MOK: variants seen among roughly 807,000 people sequenced by gnomAD.
MOK encodes the protein MOK protein kinase, also known as MAPK/MAK/MRK overlapping kinase.
In MOK, 59 loss-of-function variants were observed where a neutral mutation model predicts 54.2. The ratio of observed to expected loss-of-function variants is 1.09; its 90% CI spans 0.88 to 1.35. The LOEUF is 1.35. Ranked by LOEUF, MOK falls within the 40% of genes most tolerant of loss-of-function variation. MOK has a pLI of 0.00. For missense variants in MOK, 517 were observed against 526.2 expected (o/e 0.98, Z 0.17); for synonymous variants, 210 against 202.7 (o/e 1.04, Z -0.31).
chr14:102,227,791 GGTCCATCTCCTGCGGCCCCGCT>G (rs2064314355), downstream of MOK, among the ~76,000 whole-genome samples: 1 of 152,124 alleles, frequency 6.6e-6, no homozygotes, highest in Non-Finnish European at 1.5e-5. Context: ...CGTGGCCCGC[GGTCCATCTCCTGCGGCCCCGCT>G]GTCGTGTCAG....
At chr14:102,299,533 C>A (rs577217940) in intron 1 of MOK, among the ~76,000 whole-genome samples, 1 of 151,936 alleles carries the variant, frequency 6.6e-6, no homozygotes, top group South Asian at 2.1e-4. Context: ...AAGAAAAATT[C>A]TCTCTGATAC....
In MOK at chr14:102,251,921, G is replaced by A. The variant is rs1003763325; in HGVS notation, c.358C>T (p.His120Tyr). 21 of 1,599,408 alleles carry A rather than the reference G, an allele frequency of 1.3e-5. No individual in the cohort carries two copies. The highest frequency in any genetic ancestry group is 1.8e-5 in the Non-Finnish European group (21 of 1,168,920). Residue 120 changes from histidine to tyrosine, a missense_variant, in exon 5 of 12, where the codon CAC becomes TAC. By Grantham distance (83) the His-to-Tyr change is moderately conservative. Coordinates refer to ENST00000361847, the MANE Select transcript of MOK (RefSeq NM_014226.3). The stretch of plus-strand genomic sequence containing the variant: ...GTCAAATCTCCGAGAGCATACCTGT[G>A]AATATGATCCAGGGACTTACATAAC... The part of the protein sequence containing the change: ...YQLCKSLDHI[H>Y]RNGIFHRDVK...
the MOK span, among the ~76,000 whole-genome samples, chr14:102,216,264 G>A: frequency 3.3e-5 from 5 of 152,184 alleles, no homozygotes; most frequent in Admixed American, 3.3e-4. Flanking sequence ...TGGGGCCTAC[G>A]ACTGCCACAA....
intron 1 of MOK, among the ~76,000 whole-genome samples, chr14:102,291,975 C>CAAT: frequency 6.7e-6 from 1 of 148,476 alleles, no homozygotes; most frequent in East Asian, 2.0e-4. Flanking sequence ...AAAAAACTAA[C>CAAT]AATAATAATA....
chr14:102,218,761 G>GT, the MOK span, among the ~76,000 whole-genome samples: 2 of 152,220 alleles, frequency 1.3e-5, no homozygotes, highest in Non-Finnish European at 2.9e-5. Context: ...CTCTCACGGT[G>GT]TGGGGGCTGA....
Position 102,232,644 on chromosome 14 carries a change from T to C in MOK, c.757A>G (p.Asn253Asp). ...KGSGIPLLTT[N>D]LSPQCLSLLH... ...AGGGAGAGGCATTGTGGGGACAAAT[T>C]GGTTGTTAGTAGAGGTATTCCTGAT... Residue 253 changes from asparagine (N) to aspartate (D), a missense_variant, in exon 9 of 12, where the codon AAT (asparagine) becomes GAT (aspartate). Asn to Asp is a conservative substitution (Grantham distance 23). Coordinates refer to ENST00000361847, the MANE Select transcript of MOK (RefSeq NM_014226.3). This position sits in a 1 kb window ranked among gnomAD's most constrained non-coding sequence, Gnocchi z 5.1. 1 of 1,614,040 alleles carries C rather than the reference T, an allele frequency of 6.2e-7. No individual in the cohort carries two copies. The highest frequency in any genetic ancestry group is 8.5e-7 in the Non-Finnish European group (1 of 1,179,964).
rs1567141965 is a variant in MOK, at chr14:102,235,513, C to A, written c.591-1724G>T. On this transcript the variant is annotated intron_variant, in intron 7 of 11. Coordinates refer to ENST00000361847, the MANE Select transcript of MOK (RefSeq NM_014226.3). The surrounding 1 kb of genome is among the most constrained non-coding windows in gnomAD (Gnocchi z 4.4). ...GGCCGCTGCAGTTCCCTGAGAAGAG[C>A]GTACCTGGGCGTATCAACCCACAGG... is the stretch of plus-strand genomic sequence containing the variant. 1 of 152,206 alleles carries A rather than the reference C, an allele frequency of 6.6e-6. No homozygotes were observed. Among genetic ancestry groups the A allele is most frequent in the Admixed American group, 6.5e-5 (1 of 15,284 alleles). The allele number at this position is 152,206 out of a possible 1,614,324, so 9.4% of individuals were successfully genotyped here. A position where few individuals can be genotyped will look rare whatever the true frequency, so the allele number is the denominator to read the frequency against.
Position 102,236,859 on chromosome 14 carries a change from A to C in MOK, c.591-3070T>G, listed in dbSNP as rs899028469. Among the ~76,000 whole-genome samples the C allele has an allele frequency of 2.6e-5, 4 of 152,050 alleles. No homozygotes were observed. Among genetic ancestry groups the C allele is most frequent in the Admixed American group, 6.6e-5 (1 of 15,264 alleles). The stretch of plus-strand genomic sequence containing the variant: ...CTTAGGCCAACACGTTCTTCATATA[A>C]CACCACCATCCTCCTGGTTAAAAAA... On this transcript the variant is annotated intron_variant, in intron 7 of 11. Coordinates refer to ENST00000361847, the MANE Select transcript of MOK (RefSeq NM_014226.3). This position sits in a 1 kb window ranked among gnomAD's most constrained non-coding sequence, Gnocchi z 4.5.
At chr14:102,227,316 T>C (rs2064289340), downstream of MOK, among the ~76,000 whole-genome samples, 3 of 151,608 alleles carry the variant, frequency 2.0e-5, no homozygotes, top group South Asian at 6.2e-4. Context: ...CCCTCTCTTG[T>C]GACCTGCGCG....
chr14:102,214,967 A>G, the MOK span: 1 of 985,146 alleles, frequency 1.0e-6, no homozygotes, highest in Non-Finnish European at 1.2e-6. Flanking sequence ...TGTCCTCTGT[A>G]TACTGACATT....
rs2065257319 is a variant in MOK at position 102,236,785 on chromosome 14, C to A, written c.591-2996G>T. Among the ~76,000 whole-genome samples the A allele has an allele frequency of 6.6e-6, 1 of 152,172 alleles. No homozygotes were observed. The highest frequency in any genetic ancestry group is 2.4e-5 in the African/African-American group (1 of 41,452). ...CCAAAAACCCTATCTCCCTAACCCA[C>A]CAAAAAGGCTTACAGCCCATCACAA... On this transcript the variant is annotated intron_variant, in intron 7 of 11. Coordinates refer to ENST00000361847, the MANE Select transcript of MOK (RefSeq NM_014226.3). This position sits in a 1 kb window ranked among gnomAD's most constrained non-coding sequence, Gnocchi z 4.5.
intron 1 of MOK, among the ~76,000 whole-genome samples, chr14:102,285,046 G>A (rs1162767416): frequency 6.9e-6 from 1 of 144,184 alleles, no homozygotes; most frequent in African/African-American, 2.7e-5. Context: ...TCACACTACT[G>A]CACTCCAGCC....
intron 7 of MOK, among the ~76,000 whole-genome samples, chr14:102,242,655 A>T (rs774202748): frequency 1.4e-4 from 21 of 152,200 alleles, no homozygotes; most frequent in Admixed American, 4.6e-4. Context: ...CTCACCTGTT[A>T]CAGCATGGCC....
intron 2 of MOK, among the ~76,000 whole-genome samples, chr14:102,280,367 C>T (rs926031845): frequency 6.6e-6 from 1 of 152,046 alleles, no homozygotes; most frequent in Non-Finnish European, 1.5e-5. Flanking sequence ...CACTACCGCG[C>T]CCGGCTGATT....
intron 10 of MOK, chr14:102,229,909 A>C: frequency 2.1e-6 from 1 of 479,908 alleles, no homozygotes. Flanking sequence ...GCGGGCGGCA[A>C]AGGGCTCGCG....
intron 4 of MOK, among the ~76,000 whole-genome samples, 169 bp downstream of exon 4, chr14:102,263,377 T>G (rs573130066): frequency 3.0e-4 from 46 of 152,328 alleles, no homozygotes; most frequent in African/African-American, 1.1e-3. Context: ...ATGTTCTGAG[T>G]AGATGAGCAG....
chr14:102,285,381 T>G (rs924530519), intron 1 of MOK, among the ~76,000 whole-genome samples: 2 of 152,148 alleles, frequency 1.3e-5, no homozygotes, highest in African/African-American at 4.8e-5. Flanking sequence ...TTCACAGGTT[T>G]TCAAAACTGC....
intron 2 of MOK, among the ~76,000 whole-genome samples, chr14:102,277,617 C>CAAA (rs560243565): frequency 1.0e-5 from 1 of 95,552 alleles, no homozygotes; most frequent in Non-Finnish European, 2.2e-5. Flanking sequence ...GACTCCGTCT[C>CAAA]AAAAAAAAAA....
chr14:102,227,724 G>T (rs1463669828), downstream of MOK, among the ~76,000 whole-genome samples: 1 of 152,090 alleles, frequency 6.6e-6, no homozygotes, highest in Non-Finnish European at 1.5e-5. Context: ...TGTGCCCACG[G>T]ACTCGCTGCC....
Sources: allele counts gnomAD v4.1 joint callset (sites outside exome capture counted in the v4.1 genomes callset), GRCh38; gene constraint gnomAD v4.1.1; non-coding constraint Gnocchi (gnomAD v3.1); transcripts MANE v1.5; gene names NCBI Gene and HGNC (gene_info 2026-07-23, HGNC 2026-07-21).